Variants in WHAMM observed in about 807,000 individuals in gnomAD.
The protein encoded by WHAMM is WASP homolog associated with actin, golgi membranes and microtubules.
Under a neutral mutation model 76.5 loss-of-function variants are expected in WHAMM, and 67 were observed. The observed-to-expected ratio is 0.88, with a 90% CI of 0.72 to 1.07. WHAMM has a LOEUF of 1.07. WHAMM is among the 50% of genes least tolerant of loss of function. The pLI is 0.00. For synonymous variants in WHAMM, 419 were observed against 422.1 expected (o/e 0.99, Z 0.09); for missense variants, 1,021 against 1,051.1 (o/e 0.97, Z 0.40).
At position 82,810,130 on chromosome 15, in the gene WHAMM, C is replaced by A. The variant is rs1319947331; in HGVS notation, c.404C>A (p.Ala135Glu). 7.4e-7 allele frequency: 1 copy of A among 1,353,558 alleles called. No individual in the cohort carries two copies. The highest frequency in any genetic ancestry group is 9.6e-7 in the Non-Finnish European group (1 of 1,046,350). The allele number at this position is 1,353,558 out of a possible 1,614,324, so 83.8% of individuals were successfully genotyped here. ...GLWALLWPTRAGPGEAALQEL... is the reference protein window; with the variant it reads ...GLWALLWPTREGPGEAALQEL... ...TGGGCGCTGCTGTGGCCGACGCGCG[C>A]GGGTCCCGGCGAGGCGGCGCTGCAG... Residue 135 changes from alanine to glutamate, a missense_variant, in exon 1 of 10, where the codon GCG becomes GAG. Physicochemically the swap from Ala to Glu is moderately radical, Grantham distance 107 (BLOSUM62 -1). Around this residue, in one of 3 missense-constraint regions of WHAMM, gnomAD observed 501 missense variants for 524.9 expected, o/e 0.95. Coordinates refer to ENST00000286760, the MANE Select transcript of WHAMM (RefSeq NM_001080435.3).
At position 82,823,224 on chromosome 15, in the gene WHAMM, C is replaced by T. The variant is rs1391115559; in HGVS notation, c.1395C>T (p.Cys465=). 25 of 1,585,474 alleles carry T rather than the reference C, an allele frequency of 1.6e-5. No homozygotes were observed. Among genetic ancestry groups the T allele is most frequent in the African/African-American group, 4.0e-5 (3 of 74,238 alleles). Residue 465 remains cysteine (C), a synonymous_variant, in exon 6 of 10, where the codon TGC becomes TGT. Transcript: ENST00000286760. ...NLEVKELRRQ[C]QQLESKRGRI... ...AAGTGAAAGAACTCAGAAGGCAGTG[C>T]CAGCAGCTGGAGTCTAAACGGGGCA...
rs757006327 is a variant in WHAMM, at chr15:82,833,284, G to T, written c.2178G>T (p.Lys726Asn). Residue 726 changes from lysine to asparagine, a missense_variant, in exon 10 of 10, where the codon AAG becomes AAT. Lys to Asn is a moderately conservative substitution (Grantham distance 94). This residue lies in a region of WHAMM where 509 missense variants were observed against 492.3 expected (regional missense o/e 1.03). Coordinates refer to ENST00000286760, the MANE Select transcript of WHAMM (RefSeq NM_001080435.3). ...GGCATGGCAGAGCTCCTCTCCGGAAGGTGGAAGTGCCGGCGGTGCGCCCTC... is the reference window on the plus strand; with the variant it reads ...GGCATGGCAGAGCTCCTCTCCGGAATGTGGAAGTGCCGGCGGTGCGCCCTC... ...SLRHGRAPLR[K>N]VEVPAVRPPH... 3.7e-6 allele frequency: 6 copies of T among 1,614,014 alleles called. No homozygotes were observed. The highest frequency in any genetic ancestry group is 1.1e-5 in the South Asian group (1 of 91,078).
chr15:82,832,661 G>A (rs1004590694), intron 9 of WHAMM, among the ~76,000 whole-genome samples: 3 of 152,148 alleles, frequency 2.0e-5, no homozygotes, highest in African/African-American at 7.2e-5. Flanking sequence ...CTCCGGTGGC[G>A]GTTCATTGAG....
chr15:82,826,574 G>C, intron 7 of WHAMM, 78 bp downstream of exon 7: 1 of 1,586,382 alleles, frequency 6.3e-7, no homozygotes, highest in East Asian at 2.2e-5. Context: ...AACTGGAGTT[G>C]CGCTGCCCTG....
rs10563149 is a variant in WHAMM, at chr15:82,813,647, A to ATTTT, written c.783+399_783+402dup. On this transcript the variant is annotated intron_variant, in intron 2 of 9. Coordinates refer to ENST00000286760, the MANE Select transcript of WHAMM (RefSeq NM_001080435.3). The stretch of plus-strand genomic sequence containing the variant: ...AGTTAAATGTTTTTTCTGGTGATGA[A>ATTTT]TTTTTTTTTTTTTTTTTTTTTTTTT... 1.7e-3 allele frequency among the ~76,000 whole-genome samples: 100 copies of ATTTT among 60,110 alleles called. 2 individuals are homozygous for ATTTT. Among genetic ancestry groups the ATTTT allele is most frequent in the Middle Eastern group, 0.019 (1 of 54 alleles). 39.4% of individuals were successfully genotyped at this position (60,110 alleles called of 152,430 possible).
At chr15:82,815,677 A>C (rs1391527415) in intron 2 of WHAMM, among the ~76,000 whole-genome samples, 3 of 152,332 alleles carry the variant, frequency 2.0e-5, no homozygotes, top group East Asian at 3.9e-4. Context: ...TTATATTCCC[A>C]AAAGCAGTAA....
Position 82,818,036 on chromosome 15 carries a change from A to T in WHAMM, c.1051A>T (p.Met351Leu), listed in dbSNP as rs543102817. Reference protein sequence around the residue: ...LMLARETLQLMRAKELCLNHK... With the variant: ...LMLARETLQLLRAKELCLNHK... ...GCTAGCTCGAGAGACTCTGCAACTC[A>T]TGAGAGCGAAAGAGTTGTGTTTAAA... The change falls in exon 4 of 10, where the codon ATG becomes TTG. Residue 351 changes from methionine to leucine, a missense_variant. By Grantham distance (15) the Met-to-Leu change is conservative (BLOSUM62 2). Coordinates refer to ENST00000286760, the MANE Select transcript of WHAMM (RefSeq NM_001080435.3). 2 of 1,551,352 alleles carry T rather than the reference A, an allele frequency of 1.3e-6. No individual in the cohort carries two copies. Among genetic ancestry groups the T allele is most frequent in the Admixed American group, 1.9e-5 (1 of 51,376 alleles).
At chr15:82,830,215 C>A (rs538050835) in intron 8 of WHAMM, among the ~76,000 whole-genome samples, 2 of 145,992 alleles carry the variant, frequency 1.4e-5, no homozygotes, top group South Asian at 4.3e-4. Context: ...TTTTTGGAGA[C>A]GGAGTCTTGC....
chr15:82,822,916 A>C (rs1196147390), intron 5 of WHAMM, among the ~76,000 whole-genome samples, 184 bp from the exon 6 acceptor site: 5 of 152,094 alleles, frequency 3.3e-5, no homozygotes, highest in Admixed American at 6.5e-5. Context: ...ACATACATGT[A>C]TATAGTCATG....
Position 82,809,774 on chromosome 15 carries a change from G to GGAGGGCCTCTTCGCCGAGCCCGA in WHAMM, c.53_75dup (p.His26AlafsTer26). 2 of 1,595,622 alleles carry GGAGGGCCTCTTCGCCGAGCCCGA rather than the reference G, an allele frequency of 1.3e-6. No individual in the cohort carries two copies. The highest frequency in any genetic ancestry group is 1.7e-6 in the Non-Finnish European group (2 of 1,172,200). ...GCCTGGAGGGCTGGGTGCCGGTCCG[G>GGAGGGCCTCTTCGCCGAGCCCGA]GAGGGCCTCTTCGCCGAGCCCGAGA... On this transcript the variant is annotated frameshift_variant, in exon 1 of 10. Coordinates refer to ENST00000286760, the MANE Select transcript of WHAMM (RefSeq NM_001080435.3). LOFTEE classifies it high-confidence loss of function.
chr15:82,810,923 T>C (rs990290734), intron 1 of WHAMM, among the ~76,000 whole-genome samples: 1 of 152,106 alleles, frequency 6.6e-6, no homozygotes, highest in Non-Finnish European at 1.5e-5. Context: ...GAGTAATTAT[T>C]TGAGTGGTAA....
intron 4 of WHAMM, among the ~76,000 whole-genome samples, chr15:82,818,965 G>C (rs2050774309): frequency 6.6e-6 from 1 of 152,110 alleles, no homozygotes; most frequent in Non-Finnish European, 1.5e-5. Context: ...TCCCATGATG[G>C]GGGTGCTATC....
intron 1 of WHAMM, chr15:82,810,653 T>C (rs2050613350): frequency 1.0e-6 from 1 of 985,312 alleles, no homozygotes; most frequent in Non-Finnish European, 1.2e-6. Context: ...GCCAGAAATA[T>C]TGCAAGCAAG....
At position 82,809,783 on chromosome 15, in the gene WHAMM, C is replaced by T; in HGVS notation, c.57C>T (p.Leu19=). The part of the protein sequence containing the change: ...LEGWVPVREG[L]FAEPERHRLR... ...GCTGGGTGCCGGTCCGGGAGGGCCT[C>T]TTCGCCGAGCCCGAGAGGCACCGGC... The change falls in exon 1 of 10, where the codon CTC becomes CTT. Residue 19 remains leucine (L), a synonymous_variant. Transcript: ENST00000286760. The T allele has an allele frequency of 3.1e-6, 5 of 1,599,566 alleles. No homozygotes were observed. Among genetic ancestry groups the T allele is most frequent in the Non-Finnish European group, 4.3e-6 (5 of 1,174,108 alleles).
intron 4 of WHAMM, among the ~76,000 whole-genome samples, chr15:82,818,783 G>A (rs1274927431): frequency 6.6e-6 from 1 of 152,192 alleles, no homozygotes; most frequent in African/African-American, 2.4e-5. Flanking sequence ...TCACAGTTCT[G>A]GAGGCTGGAA....
chr15:82,817,781 T>C, intron 3 of WHAMM, 139 bp from the exon 4 acceptor site: 4 of 637,842 alleles, frequency 6.3e-6, no homozygotes, highest in Non-Finnish European at 9.6e-6. Context: ...ATTTTTATCA[T>C]AATAAAAAAG....
chr15:82,826,140 A>C (rs1212518917), intron 6 of WHAMM, among the ~76,000 whole-genome samples: 10 of 152,192 alleles, frequency 6.6e-5, no homozygotes, highest in African/African-American at 2.2e-4. Flanking sequence ...CATCCCATTT[A>C]AGAATGGCGA....
chr15:82,830,553 G>T, intron 8 of WHAMM, 46 bp from the exon 9 acceptor site: 1 of 1,584,680 alleles, frequency 6.3e-7, no homozygotes, highest in Non-Finnish European at 8.6e-7. Context: ...GCATTTTGAT[G>T]GTTTGCACTT....
rs556453417 is a variant in WHAMM at position 82,825,586 on chromosome 15, T to G, written c.1459-824T>G. On this transcript the variant is annotated intron_variant, in intron 6 of 9. Coordinates refer to ENST00000286760, the MANE Select transcript of WHAMM (RefSeq NM_001080435.3). Reference sequence around the variant, plus strand: ...GGCCACTTAGGTAGCCATGTGACCTTAGGCAAATTACTTAAATCTCTTTCG... The same window carrying G: ...GGCCACTTAGGTAGCCATGTGACCTGAGGCAAATTACTTAAATCTCTTTCG... Among the ~76,000 whole-genome samples, 12 of 152,230 alleles carry G rather than the reference T, an allele frequency of 7.9e-5. No homozygotes were observed. The South Asian group carries it at 2.5e-3, about 32-fold the overall frequency.
Sources: gnomAD v4.1 joint callset for allele counts (sites outside exome capture counted in the v4.1 genomes callset) on GRCh38, gnomAD v4.1.1 for gene constraint, gnomAD v4.1.1 regional missense constraint, MANE v1.5 for transcripts, NCBI Gene and HGNC (gene_info 2026-07-23, HGNC 2026-07-21) for gene names.